The following ATRNL1 variants were observed in gnomAD, a reference collection of about 807,000 sequenced individuals.
ATRNL1 encodes the protein attractin-like protein 1.
ATRNL1 carries 95 observed loss-of-function variants against 182.7 expected under a neutral mutation model. That is an observed-to-expected ratio of 0.52 (90% CI 0.44 to 0.62). ATRNL1 has a LOEUF of 0.62. Among genes scored for constraint, ATRNL1 ranks in the 20% least tolerant of loss-of-function variants. The probability of loss-of-function intolerance (pLI) is 0.00; values close to 1 mark genes in which losing one functional copy is unlikely to be tolerated. For missense variants in ATRNL1, 1,471 were observed against 1,679.5 expected (o/e 0.88, Z 2.17); for synonymous variants, 576 against 568.3 (o/e 1.01, Z -0.19).
At chr10:115,304,891 C>T (rs529598526) in intron 17 of ATRNL1, among the ~76,000 whole-genome samples, 2 of 152,106 alleles carry the variant, frequency 1.3e-5, no homozygotes, top group Non-Finnish European at 2.9e-5. Context: ...CGGCTTGGCT[C>T]TAAGAGCTGG....
intron 26 of ATRNL1, among the ~76,000 whole-genome samples, chr10:115,685,684 C>T (rs1050358224): frequency 6.6e-6 from 1 of 151,780 alleles, no homozygotes; most frequent in African/African-American, 2.4e-5. Context: ...ACAAAATATA[C>T]CTATTTGCTA....
intron 5 of ATRNL1, among the ~76,000 whole-genome samples, chr10:115,151,311 T>C (rs1455202592): frequency 2.0e-5 from 3 of 152,232 alleles, no homozygotes; most frequent in Admixed American, 1.3e-4. Flanking sequence ...TCTTCCACAA[T>C]GGTTGAACTA....
intron 10 of ATRNL1, among the ~76,000 whole-genome samples, chr10:115,243,353 TAGAA>T (rs1308698675): frequency 4.6e-5 from 7 of 152,220 alleles, no homozygotes; most frequent in African/African-American, 7.2e-5. Context: ...GTTTCAGAAA[TAGAA>T]AGATGTCAGA....
chr10:115,561,157 ATTAAAAACTTTTGTGC>A (rs1407210817), intron 26 of ATRNL1, among the ~76,000 whole-genome samples: 1 of 152,216 alleles, frequency 6.6e-6, no homozygotes, highest in Non-Finnish European at 1.5e-5. Flanking sequence ...ATTCATTGAA[ATTAAAAACTTTTGTGC>A]TTAAAAGACA....
intron 19 of ATRNL1, among the ~76,000 whole-genome samples, chr10:115,357,896 T>C (rs782588812): frequency 1.3e-5 from 2 of 151,604 alleles, no homozygotes; most frequent in Non-Finnish European, 3.0e-5. Flanking sequence ...AAATATATTC[T>C]CTCTCCATCC....
At chr10:115,499,788 C>T (rs1554979527) in intron 24 of ATRNL1, among the ~76,000 whole-genome samples, 1 of 152,176 alleles carries the variant, frequency 6.6e-6, no homozygotes, top group Non-Finnish European at 1.5e-5. Context: ...GTTGAATGAA[C>T]TGGGAGGCTG....
intron 21 of ATRNL1, among the ~76,000 whole-genome samples, chr10:115,432,278 T>G (rs1347596349): frequency 6.6e-6 from 1 of 152,176 alleles, no homozygotes; most frequent in Non-Finnish European, 1.5e-5. Context: ...AATCAGTTAC[T>G]TTTCAACTAG....
At chr10:115,633,437 A>G (rs1488769776) in intron 26 of ATRNL1, among the ~76,000 whole-genome samples, 2 of 152,220 alleles carry the variant, frequency 1.3e-5, no homozygotes, top group Non-Finnish European at 2.9e-5. Flanking sequence ...ATAGATTTAC[A>G]CTATAAGGAA....
At chr10:115,738,125 G>GCTTTTTTTTTTT (rs1565334914) in intron 27 of ATRNL1, among the ~76,000 whole-genome samples, 1 of 53,150 alleles carries the variant, frequency 1.9e-5, no homozygotes, top group African/African-American at 5.7e-5. Context: ...AGAAGATAAT[G>GCTTTTTTTTTTT]ATTTTTTTTT....
chr10:115,326,347 G>C (rs1554933216), intron 18 of ATRNL1, among the ~76,000 whole-genome samples: 1 of 152,048 alleles, frequency 6.6e-6, no homozygotes, highest in African/African-American at 2.4e-5. Flanking sequence ...GCTTCAAAGA[G>C]AATAAAATAC....
chr10:115,537,400 C>G (rs558540352), intron 25 of ATRNL1, among the ~76,000 whole-genome samples: 93 of 152,224 alleles, frequency 6.1e-4, no homozygotes, highest in African/African-American at 2.2e-3. Flanking sequence ...TTTTCTGTAG[C>G]TCAGTTATAG....
intron 26 of ATRNL1, among the ~76,000 whole-genome samples, chr10:115,591,892 T>C (rs1263076253): frequency 2.0e-5 from 3 of 152,178 alleles, no homozygotes; most frequent in African/African-American, 4.8e-5. Flanking sequence ...CACAGTACTA[T>C]TCACAATAGC....
At chr10:115,114,599 CAAAAG>C (rs530251988) in intron 1 of ATRNL1, among the ~76,000 whole-genome samples, 248 of 152,100 alleles carry the variant, frequency 1.6e-3, no homozygotes, top group African/African-American at 5.6e-3. Flanking sequence ...AGACATTTTT[CAAAAG>C]AAAACATACA....
At chr10:115,396,172 C>G (rs539551479) in intron 20 of ATRNL1, among the ~76,000 whole-genome samples, 5 of 151,848 alleles carry the variant, frequency 3.3e-5, no homozygotes, top group African/African-American at 1.2e-4. Flanking sequence ...ACAAGGTAAG[C>G]ACAATCAGTT....
chr10:115,833,656 G>A (rs1011469771), intron 27 of ATRNL1, among the ~76,000 whole-genome samples: 1 of 152,110 alleles, frequency 6.6e-6, no homozygotes, highest in Admixed American at 6.6e-5. Context: ...CAACAATCCA[G>A]TGAAGTACAT....
At chr10:115,470,847 A>T (rs1554971979) in intron 24 of ATRNL1, among the ~76,000 whole-genome samples, 3 of 150,738 alleles carry the variant, frequency 2.0e-5, no homozygotes, top group African/African-American at 7.3e-5. Flanking sequence ...TGCCTATGGA[A>T]TATGTTATAT....
rs536399047 is a variant in ATRNL1 at position 115,911,365 on chromosome 10, T to A, written c.4019-33293T>A. Among the ~76,000 whole-genome samples the A allele has an allele frequency of 2.2e-4, 33 of 152,266 alleles. 2 individuals are homozygous for A. In the South Asian group the frequency reaches 6.8e-3, roughly 32 times the overall value. On this transcript the variant is annotated intron_variant, in intron 28 of 28. Transcript: ENST00000355044. ...GGAGTTTCACTCTTGTTGCCCAGGC[T>A]GGAGGGCAATGGTGCAATCTTGGCT...
At chr10:115,587,063 C>CTCGGGGG (rs1555010206) in intron 26 of ATRNL1, among the ~76,000 whole-genome samples, 1 of 149,774 alleles carries the variant, frequency 6.7e-6, no homozygotes, top group East Asian at 2.0e-4. Context: ...AGTTAGGCTG[C>CTCGGGGG]TCGGGGGTCA....
At chr10:115,909,621 T>A (rs1267225426) in intron 28 of ATRNL1, 1 of 125,268 alleles carries the variant, frequency 8.0e-6, no homozygotes, top group Non-Finnish European at 1.6e-5. Context: ...TTGATAATGT[T>A]AAAAAAAAAA....
Sources: gnomAD v4.1 joint callset for allele counts (sites outside exome capture counted in the v4.1 genomes callset) on GRCh38, gnomAD v4.1.1 for gene constraint, MANE v1.5 for transcripts, NCBI Gene and HGNC (gene_info 2026-07-23, HGNC 2026-07-21) for gene names.